Variants in SRPK2 observed in about 807,000 individuals in gnomAD.
The protein encoded by SRPK2 is SRSF protein kinase 2.
Under a neutral mutation model 90.8 loss-of-function variants are expected in SRPK2, and 21 were observed. The ratio of observed to expected loss-of-function variants is 0.23; its 90% confidence interval spans 0.16 to 0.33. The LOEUF is 0.33. Ranked by LOEUF, SRPK2 falls within the 10% of genes least tolerant of loss-of-function variation. The pLI, the probability that SRPK2 is intolerant of heterozygous loss-of-function variation, is 1.00. For synonymous variants in SRPK2, 288 were observed against 311.1 expected, an observed-to-expected ratio of 0.93 and a Z score of 0.78; for missense variants, 620 against 869.0, an observed-to-expected ratio of 0.71 and a Z score of 3.60.
At chr7:105,259,086 G>A (rs543253942) in intron 2 of SRPK2, among the ~76,000 whole-genome samples, 47 of 152,298 alleles carry the variant, frequency 3.1e-4, no homozygotes, top group Non-Finnish European at 5.1e-4. Context: ...AGGAAAAGAG[G>A]AAGTCAAATT....
chr7:105,321,160 A>G (rs1299154191), intron 2 of SRPK2, among the ~76,000 whole-genome samples: 1 of 152,200 alleles, frequency 6.6e-6, no homozygotes, highest in Non-Finnish European at 1.5e-5. Context: ...AGTGAATTCC[A>G]GATAAACAGA....
chr7:105,204,751 CA>C, intron 2 of SRPK2: 1 of 606,494 alleles, frequency 1.6e-6, no homozygotes, highest in Non-Finnish European at 3.0e-6. Context: ...TCTGGTCAAG[CA>C]AAATTCTTTA....
chr7:105,162,072 T>A (rs1807742718), intron 6 of SRPK2, among the ~76,000 whole-genome samples: 1 of 152,130 alleles, frequency 6.6e-6, no homozygotes, highest in Non-Finnish European at 1.5e-5. Context: ...GACACAGTCT[T>A]GTTCTGTCAC....
chr7:105,303,842 CTA>C (rs1810855701), intron 2 of SRPK2, among the ~76,000 whole-genome samples: 1 of 152,090 alleles, frequency 6.6e-6, no homozygotes, highest in Non-Finnish European at 1.5e-5. Context: ...GAGGGTCAAA[CTA>C]TGTGAAAAGC....
intron 2 of SRPK2, among the ~76,000 whole-genome samples, chr7:105,221,291 A>ACT (rs1348673508): frequency 6.6e-6 from 1 of 152,238 alleles, no homozygotes; most frequent in Non-Finnish European, 1.5e-5. Flanking sequence ...ACAGAGTAGT[A>ACT]GTTAAAGGCA....
intron 2 of SRPK2, among the ~76,000 whole-genome samples, chr7:105,276,287 G>A (rs1018469118): frequency 2.6e-5 from 4 of 151,286 alleles, no homozygotes; most frequent in Non-Finnish European, 4.4e-5. Flanking sequence ...CTATGTTGCC[G>A]AGGCTGGTCT....
chr7:105,225,869 G>A (rs1409692060), intron 2 of SRPK2, among the ~76,000 whole-genome samples: 1 of 151,854 alleles, frequency 6.6e-6, no homozygotes. Context: ...AGACACATGT[G>A]GCTATTTAAA....
chr7:105,134,527 T>TGGTA (rs1258096644), intron 11 of SRPK2, among the ~76,000 whole-genome samples: 1 of 152,248 alleles, frequency 6.6e-6, no homozygotes, highest in African/African-American at 2.4e-5. Context: ...GAGAACAGAC[T>TGGTA]AATATAAACA....
intron 2 of SRPK2, among the ~76,000 whole-genome samples, chr7:105,280,028 A>C (rs1400991813): frequency 6.6e-6 from 1 of 152,250 alleles, no homozygotes; most frequent in African/African-American, 2.4e-5. Flanking sequence ...TTCAGAAAAA[A>C]TAAGTATTTT....
intron 2 of SRPK2, among the ~76,000 whole-genome samples, chr7:105,339,552 C>T (rs891137650): frequency 2.0e-5 from 3 of 152,220 alleles, no homozygotes; most frequent in African/African-American, 7.2e-5. Context: ...CAGTCCTGAA[C>T]ACTGAGTGAC....
At chr7:105,255,903 G>A (rs905774747) in intron 2 of SRPK2, among the ~76,000 whole-genome samples, 4 of 150,300 alleles carry the variant, frequency 2.7e-5, no homozygotes, top group South Asian at 4.3e-4. Flanking sequence ...CAGCCTGGGC[G>A]ATAGTGTGAG....
chr7:105,268,933 A>G (rs185245402), intron 2 of SRPK2: 1 of 1,522,850 alleles, frequency 6.6e-7, no homozygotes, highest in African/African-American at 1.4e-5. Flanking sequence ...CCTTATATCA[A>G]GAGATTTTTC....
chr7:105,363,981 C>T (rs1818729115), intron 2 of SRPK2, among the ~76,000 whole-genome samples: 2 of 139,896 alleles, frequency 1.4e-5, no homozygotes, highest in South Asian at 4.5e-4. Flanking sequence ...GGGAGCCGGA[C>T]AATGAGAACA....
At chr7:105,255,705 G>A (rs1383823558) in intron 2 of SRPK2, among the ~76,000 whole-genome samples, 1 of 152,160 alleles carries the variant, frequency 6.6e-6, no homozygotes, top group Non-Finnish European at 1.5e-5. Context: ...GCTGAGGCGG[G>A]CAGATCACCT....
intron 2 of SRPK2, among the ~76,000 whole-genome samples, chr7:105,270,302 C>A (rs1415564217): frequency 1.3e-5 from 2 of 152,028 alleles, no homozygotes; most frequent in African/African-American, 4.8e-5. Context: ...GAGGATCAGG[C>A]ACATGGCGCC....
intron 2 of SRPK2, among the ~76,000 whole-genome samples, chr7:105,209,404 C>T (rs186252090): frequency 3.3e-5 from 5 of 152,108 alleles, no homozygotes; most frequent in Admixed American, 2.0e-4. Context: ...ATTAGCTGGG[C>T]GTGGTGGCAC....
At chr7:105,364,420 A>G (rs1305165263) in intron 2 of SRPK2, among the ~76,000 whole-genome samples, 1 of 99,418 alleles carries the variant, frequency 1.0e-5, no homozygotes, top group East Asian at 1.2e-3. Context: ...TTTTTTTTTG[A>G]GAAGGAGTCT....
At chr7:105,373,021 G>A (rs767819683) in intron 2 of SRPK2, among the ~76,000 whole-genome samples, 37 of 152,198 alleles carry the variant, frequency 2.4e-4, no homozygotes, top group Non-Finnish European at 4.1e-4. Context: ...CCCAGGAGGC[G>A]GAGGTTGCAG....
chr7:105,299,838 G>A (rs752397005), intron 2 of SRPK2, among the ~76,000 whole-genome samples: 22 of 152,124 alleles, frequency 1.4e-4, no homozygotes, highest in Non-Finnish European at 1.9e-4. Context: ...AAGTTGCAGT[G>A]AGCCGAGATC....
Sources: gnomAD v4.1 joint callset for allele counts (sites outside exome capture counted in the v4.1 genomes callset) on GRCh38, gnomAD v4.1.1 for gene constraint, MANE v1.5 for transcripts, NCBI Gene and HGNC (gene_info 2026-07-23, HGNC 2026-07-21) for gene names.